TRPM3: variants seen among roughly 807,000 people sequenced by gnomAD.
TRPM3 encodes transient receptor potential cation channel subfamily M member 3, also known as long transient receptor potential channel 3.
TRPM3 carries 77 observed loss-of-function variants against 181.2 expected under a neutral mutation model. The observed-to-expected ratio is 0.42, with a 90% confidence interval of 0.35 to 0.51. The LOEUF (loss-of-function observed/expected upper bound fraction) is 0.51. Ranked by LOEUF, TRPM3 falls within the 20% of genes least tolerant of loss-of-function variation. The pLI, the probability that TRPM3 is intolerant of heterozygous loss-of-function variation, is 0.01. For synonymous variants in TRPM3, 745 were observed against 796.4 expected, an observed-to-expected ratio of 0.94 and a Z score of 1.09; for missense variants, 1,759 against 2,196.7, an observed-to-expected ratio of 0.80 and a Z score of 3.98.
chr9:71,383,207 T>C (rs1160964265), intron 1 of TRPM3, among the ~76,000 whole-genome samples: 2 of 152,214 alleles, frequency 1.3e-5, no homozygotes, highest in Non-Finnish European at 2.9e-5. Flanking sequence ...TATGCATATA[T>C]ACGTGTATGT....
intron 6 of TRPM3, among the ~76,000 whole-genome samples, chr9:70,818,095 G>A (rs1339786619): frequency 6.6e-6 from 1 of 152,214 alleles, no homozygotes; most frequent in African/African-American, 2.4e-5. Flanking sequence ...AGTGGTGCTC[G>A]CTAGATAACC....
chr9:70,837,407 C>T (rs867299508), intron 5 of TRPM3, among the ~76,000 whole-genome samples: 17 of 152,154 alleles, frequency 1.1e-4, no homozygotes, highest in Non-Finnish European at 2.1e-4. Flanking sequence ...AAATAGAAGA[C>T]ATCATTGAAT....
At chr9:71,310,557 C>T (rs1368211299) in intron 1 of TRPM3, among the ~76,000 whole-genome samples, 1 of 152,064 alleles carries the variant, frequency 6.6e-6, no homozygotes, top group Non-Finnish European at 1.5e-5. Context: ...AATTTCATAG[C>T]CACCAAGCAA....
intron 1 of TRPM3, among the ~76,000 whole-genome samples, chr9:71,269,281 C>T (rs1326279372): frequency 6.6e-6 from 1 of 152,094 alleles, no homozygotes; most frequent in African/African-American, 2.4e-5. Context: ...AACCATTAGG[C>T]CTGGAGAAAA....
intron 7 of TRPM3, among the ~76,000 whole-genome samples, chr9:70,772,100 C>T (rs1474257984): frequency 4.6e-5 from 7 of 152,158 alleles, no homozygotes; most frequent in Admixed American, 3.9e-4. Context: ...TGAGATCTAT[C>T]AGACATTCAA....
chr9:71,173,483 T>C (rs895950819), intron 1 of TRPM3, among the ~76,000 whole-genome samples: 2 of 152,246 alleles, frequency 1.3e-5, no homozygotes, highest in Non-Finnish European at 2.9e-5. Flanking sequence ...ATATGTCTTA[T>C]ATTTGGTGGC....
At chr9:70,865,997 T>C (rs1467044143) in intron 1 of TRPM3, among the ~76,000 whole-genome samples, 1 of 152,010 alleles carries the variant, frequency 6.6e-6, no homozygotes, top group Non-Finnish European at 1.5e-5. Context: ...ATGTCTAGTC[T>C]CAAATATTTT....
intron 1 of TRPM3, among the ~76,000 whole-genome samples, chr9:71,373,641 T>TAC (rs1394097832): frequency 3.3e-5 from 5 of 151,744 alleles, no homozygotes; most frequent in Non-Finnish European, 5.9e-5. Flanking sequence ...ATGAATAGCC[T>TAC]ACCAAGCAAA....
rs1590554283 is a variant in TRPM3, at chr9:71,006,853, A to G, written c.177+114325T>C. 3.7e-5 allele frequency among the ~76,000 whole-genome samples: 5 copies of G among 136,904 alleles called. 1 individual carries two copies. In the Admixed American group the frequency reaches 3.8e-4, roughly 10 times the overall value. The allele number at this position is 136,904 out of a possible 152,430, so 89.8% of individuals were successfully genotyped here. A position where few individuals can be genotyped will look rare whatever the true frequency, so the allele number is the denominator to read the frequency against. On this transcript the variant is annotated intron_variant, in intron 1 of 25. Coordinates refer to ENST00000677713, the MANE Select transcript of TRPM3 (RefSeq NM_001366145.2). ...GCCACTGCACTCCAGCCTGGGCGAC[A>G]GAGCGAGACTCCGTCTCAAAAAAAA...
chr9:70,562,004 AT>A (rs2049223888), intron 22 of TRPM3, among the ~76,000 whole-genome samples: 1 of 152,208 alleles, frequency 6.6e-6, no homozygotes, highest in African/African-American at 2.4e-5. Flanking sequence ...ATCTGGTAGA[AT>A]TTCACAACAA....
intron 1 of TRPM3, among the ~76,000 whole-genome samples, chr9:71,362,718 T>C (rs1157744646): frequency 6.6e-6 from 1 of 152,246 alleles, no homozygotes; most frequent in Non-Finnish European, 1.5e-5. Flanking sequence ...TGTAATTAAA[T>C]ACATTTTCTT....
intron 1 of TRPM3, among the ~76,000 whole-genome samples, chr9:71,333,546 A>G (rs1455514086): frequency 2.0e-5 from 3 of 151,938 alleles, no homozygotes; most frequent in Non-Finnish European, 4.4e-5. Context: ...CCCTGTGGGG[A>G]GGCCCCTGTG....
At chr9:71,118,596 T>C (rs1477000270) in intron 1 of TRPM3, among the ~76,000 whole-genome samples, 2 of 151,976 alleles carry the variant, frequency 1.3e-5, no homozygotes, top group African/African-American at 4.8e-5. Context: ...AATCAAGCCA[T>C]CAGGACCTAC....
chr9:70,851,946 C>T (rs573951626), intron 3 of TRPM3, among the ~76,000 whole-genome samples: 1 of 151,652 alleles, frequency 6.6e-6, no homozygotes, highest in African/African-American at 2.4e-5. Flanking sequence ...GGTGAAACCC[C>T]ATCTCTACTA....
intron 6 of TRPM3, among the ~76,000 whole-genome samples, chr9:70,805,592 G>T (rs2090511284): frequency 6.8e-6 from 1 of 147,574 alleles, no homozygotes; most frequent in Non-Finnish European, 1.5e-5. Context: ...CAGGTGGAAA[G>T]GGTCTTGGAA....
rs950345494 is a variant in TRPM3 at position 71,121,361 on chromosome 9, G to C, written c.-7C>G. The C allele has an allele frequency of 5.0e-6, 8 of 1,613,118 alleles. No homozygotes were observed. The highest frequency in any genetic ancestry group is 6.8e-6 in the Non-Finnish European group (8 of 1,179,700). On this transcript the variant is annotated 5_prime_UTR_variant, in exon 1 of 26. Coordinates refer to ENST00000677713, the MANE Select transcript of TRPM3 (RefSeq NM_001366145.2). ...TCCCCCACGGCTCTGGCATCCCATG[G>C]TCATCTCCACACCTGCAAATTCCAT... is the stretch of plus-strand genomic sequence containing the variant.
intron 1 of TRPM3, among the ~76,000 whole-genome samples, chr9:71,037,640 G>A (rs1024406900): frequency 6.6e-6 from 1 of 152,252 alleles, no homozygotes; most frequent in African/African-American, 2.4e-5. Flanking sequence ...AGCTGACTGT[G>A]TGACTGTGTG....
At chr9:71,013,462 T>TG (rs1341855494) in intron 1 of TRPM3, among the ~76,000 whole-genome samples, 1 of 151,954 alleles carries the variant, frequency 6.6e-6, no homozygotes, top group Non-Finnish European at 1.5e-5. Context: ...TGGAAGCTTT[T>TG]GGGTTTTTTT....
intron 1 of TRPM3, among the ~76,000 whole-genome samples, chr9:71,309,483 G>A (rs943175302): frequency 6.6e-6 from 1 of 152,042 alleles, no homozygotes; most frequent in South Asian, 2.1e-4. Context: ...TAAACATATT[G>A]GAAGGATCCA....
Sources: gnomAD v4.1 joint callset for allele counts (sites outside exome capture counted in the v4.1 genomes callset) on GRCh38, gnomAD v4.1.1 for gene constraint, MANE v1.5 for transcripts, NCBI Gene and HGNC (gene_info 2026-07-23, HGNC 2026-07-21) for gene names.